Variants in MICAL3 observed in about 807,000 individuals in gnomAD.
MICAL3 encodes the protein [F-actin]-monooxygenase MICAL3.
Under a neutral mutation model 207.4 loss-of-function variants are expected in MICAL3, and 62 were observed. The observed-to-expected ratio is 0.30, with a 90% CI of 0.24 to 0.37. The LOEUF (loss-of-function observed/expected upper bound fraction) is 0.37, where lower values mean the gene tolerates loss of function less well. MICAL3 is among the 10% of genes least tolerant of loss of function. The pLI, the probability that MICAL3 is intolerant of heterozygous loss-of-function variation, is 1.00. For synonymous variants in MICAL3, 1,077 were observed against 1,069.3 expected, an observed-to-expected ratio of 1.01 and a Z score of -0.14; for missense variants, 2,368 against 2,635.6, an observed-to-expected ratio of 0.90 and a Z score of 2.22.
intron 21 of MICAL3, among the ~76,000 whole-genome samples, chr22:17,831,623 CA>C (rs1922814758): frequency 6.6e-6 from 1 of 152,220 alleles, no homozygotes; most frequent in Admixed American, 6.5e-5. Flanking sequence ...CTTCCACTTC[CA>C]GTTTCTAAAC....
intron 1 of MICAL3, among the ~76,000 whole-genome samples, chr22:17,907,125 G>C (rs879059255): frequency 6.6e-6 from 1 of 152,116 alleles, no homozygotes; most frequent in Non-Finnish European, 1.5e-5. Context: ...GACACAGAAT[G>C]TCTCAATGGA....
intron 19 of MICAL3, chr22:17,858,401 A>C (rs1350044284): frequency 1.1e-6 from 1 of 908,890 alleles, no homozygotes; most frequent in Admixed American, 6.2e-5. Flanking sequence ...GCTGCAAGGT[A>C]AGGGCTGGTT....
intron 24 of MICAL3, 135 bp downstream of exon 24, chr22:17,821,895 G>A: frequency 8.7e-7 from 1 of 1,149,708 alleles, no homozygotes; most frequent in Non-Finnish European, 1.2e-6. Flanking sequence ...GAAAAGGCAA[G>A]GAGCTGCCCA....
chr22:17,976,807 C>CTTT (rs1210909450), intron 1 of MICAL3, among the ~76,000 whole-genome samples: 2 of 133,726 alleles, frequency 1.5e-5, no homozygotes, highest in Non-Finnish European at 3.2e-5. Flanking sequence ...CTAGAGACTT[C>CTTT]TTCTTTTTTT....
intron 19 of MICAL3, chr22:17,842,427 C>T (rs559218976): frequency 3.2e-5 from 6 of 186,180 alleles, no homozygotes; most frequent in East Asian, 1.3e-4. Context: ...CAGGCCCCCA[C>T]CAGGTGCCTC....
intron 1 of MICAL3, among the ~76,000 whole-genome samples, chr22:17,926,029 G>A (rs1932917212): frequency 6.6e-6 from 1 of 152,222 alleles, no homozygotes; most frequent in South Asian, 2.1e-4. Context: ...GGCATTTTAA[G>A]TGATGGTATC....
intron 1 of MICAL3, among the ~76,000 whole-genome samples, chr22:17,917,249 G>A (rs1932584633): frequency 6.6e-6 from 1 of 152,124 alleles, no homozygotes; most frequent in Non-Finnish European, 1.5e-5. Flanking sequence ...CTGGATGTTT[G>A]ACAGGCATCT....
At chr22:17,945,541 G>A (rs1051219171) in intron 1 of MICAL3, among the ~76,000 whole-genome samples, 7 of 152,174 alleles carry the variant, frequency 4.6e-5, no homozygotes, top group African/African-American at 1.7e-4. Flanking sequence ...GTGTCCCCAA[G>A]TAAAACAGCA....
chr22:18,018,479 T>C (rs1027215668), intron 1 of MICAL3, among the ~76,000 whole-genome samples: 3 of 152,070 alleles, frequency 2.0e-5, no homozygotes, highest in African/African-American at 7.2e-5. Context: ...ATCCCAGCAC[T>C]TTGGGAGGCC....
intron 1 of MICAL3, among the ~76,000 whole-genome samples, chr22:17,959,010 G>GTTTTTTT (rs34107784): frequency 1.2e-4 from 10 of 85,866 alleles, no homozygotes; most frequent in South Asian, 4.2e-4. Context: ...CGGGCCTGGG[G>GTTTTTTT]TTTTTTTTTT....
At chr22:17,862,596 C>CAAA (rs1926642722) in intron 19 of MICAL3, 3 of 985,350 alleles carry the variant, frequency 3.0e-6, no homozygotes, top group Non-Finnish European at 3.6e-6. Context: ...AAAAGGAAGT[C>CAAA]TAGTTAAGTC....
chr22:17,869,288 C>T (rs964056251), intron 17 of MICAL3, among the ~76,000 whole-genome samples: 8 of 152,112 alleles, frequency 5.3e-5, no homozygotes, highest in South Asian at 4.2e-4. Flanking sequence ...AAAATCCCTC[C>T]GGTTGCTCTG....
chr22:17,989,210 T>A (rs62241583), intron 1 of MICAL3, among the ~76,000 whole-genome samples: 50 of 152,138 alleles, frequency 3.3e-4, no homozygotes, highest in Non-Finnish European at 6.6e-4. Flanking sequence ...TTGCTCATGC[T>A]GTTCTCTGCC....
At chr22:18,003,082 C>G (rs1238136511) in intron 1 of MICAL3, among the ~76,000 whole-genome samples, 1 of 151,418 alleles carries the variant, frequency 6.6e-6, no homozygotes, top group Non-Finnish European at 1.5e-5. Context: ...ATGGTGTGAA[C>G]TCGGGAGGCG....
intron 16 of MICAL3, among the ~76,000 whole-genome samples, chr22:17,877,463 G>GGTT (rs1928882516): frequency 1.6e-4 from 13 of 82,972 alleles, no homozygotes; most frequent in South Asian, 4.1e-4. Flanking sequence ...AGGTTAGGGA[G>GGTT]ATTATGGAGG....
intron 1 of MICAL3, among the ~76,000 whole-genome samples, chr22:17,997,100 G>A (rs1922376058): frequency 7.8e-6 from 1 of 128,144 alleles, no homozygotes; most frequent in African/African-American, 3.0e-5. Context: ...CTGTCACCCA[G>A]GCTGGAGTGC....
At chr22:17,957,466 C>T (rs1413558957) in intron 1 of MICAL3, among the ~76,000 whole-genome samples, 1 of 152,210 alleles carries the variant, frequency 6.6e-6, no homozygotes, top group Non-Finnish European at 1.5e-5. Context: ...CGCCTATAAT[C>T]CCAGCACTTT....
intron 2 of MICAL3, 54 bp from the exon 3 acceptor site, chr22:17,904,893 A>C: frequency 7.7e-4 from 981 of 1,267,572 alleles, no homozygotes; most frequent in Non-Finnish European, 1.0e-3. Context: ...AACAATTCTC[A>C]AGAAGTCTCA....
chr22:17,980,774 C>T lies in MICAL3; in HGVS notation c.-75+43507G>A, dbSNP rs553460925. 2.9e-4 allele frequency: 134 copies of T among 465,850 alleles called. 1 individual carries two copies. The highest frequency in any genetic ancestry group is 5.3e-4 in the South Asian group (35 of 66,026). The allele number at this position is 465,850 out of a possible 1,614,324, so 28.9% of individuals were successfully genotyped here. A position where few individuals can be genotyped will look rare whatever the true frequency, so the allele number is the denominator to read the frequency against. On this transcript the variant is annotated intron_variant, in intron 1 of 31. Transcript: ENST00000441493. ...TATCATTCCGCCCGTCTTATCATTC[C>T]GCGGCAGCAAACCAGCTGCCCGTCT...
Sources: gnomAD v4.1 joint callset for allele counts (sites outside exome capture counted in the v4.1 genomes callset) on GRCh38, gnomAD v4.1.1 for gene constraint, MANE v1.5 for transcripts, NCBI Gene and HGNC (gene_info 2026-07-23, HGNC 2026-07-21) for gene names.